The following FHIT variants were observed in gnomAD, a reference collection of about 807,000 sequenced individuals.
FHIT encodes the protein bis(5'-adenosyl)-triphosphatase.
Under a neutral mutation model 17.9 loss-of-function variants are expected in FHIT, and 19 were observed. The ratio of observed to expected loss-of-function variants is 1.06; its 90% CI spans 0.74 to 1.56. The LOEUF (loss-of-function observed/expected upper bound fraction) is 1.56, where lower values mean the gene tolerates loss of function less well. Ranked by LOEUF, FHIT falls within the 40% of genes most tolerant of loss-of-function variation. The probability of loss-of-function intolerance (pLI) is 0.00; values close to 1 mark genes in which losing one functional copy is unlikely to be tolerated. For missense variants in FHIT, 248 were observed against 189.2 expected (o/e 1.31, Z -1.82); for synonymous variants, 81 against 69.7 (o/e 1.16, Z -0.81).
chr3:60,162,852 A>G (rs1245468521), intron 5 of FHIT, among the ~76,000 whole-genome samples: 1 of 152,152 alleles, frequency 6.6e-6, no homozygotes. Context: ...CTGGATTATA[A>G]TTGGAATTTT....
At chr3:60,914,542 C>G (rs568357254) in intron 3 of FHIT, among the ~76,000 whole-genome samples, 1 of 151,150 alleles carries the variant, frequency 6.6e-6, no homozygotes, top group East Asian at 1.9e-4. Context: ...ATGAAATACA[C>G]ACAAAGGATA....
intron 5 of FHIT, among the ~76,000 whole-genome samples, chr3:60,173,316 C>T (rs1383164557): frequency 1.3e-5 from 2 of 152,134 alleles, no homozygotes; most frequent in Non-Finnish European, 2.9e-5. Context: ...CTTCTATTCA[C>T]CAGTGAATCT....
At chr3:60,851,151 C>T (rs1703138028) in intron 3 of FHIT, among the ~76,000 whole-genome samples, 1 of 152,110 alleles carries the variant, frequency 6.6e-6, no homozygotes, top group South Asian at 2.1e-4. Context: ...AAGCCACAAT[C>T]CCAGACCAAA....
At chr3:60,732,404 G>A (rs1379382437) in intron 4 of FHIT, 1 of 763,134 alleles carries the variant, frequency 1.3e-6, no homozygotes, top group African/African-American at 1.7e-5. Flanking sequence ...TCTACCTGTA[G>A]ATGGACTTGC....
At chr3:60,276,154 T>A (rs1323243148) in intron 5 of FHIT, among the ~76,000 whole-genome samples, 1 of 152,042 alleles carries the variant, frequency 6.6e-6, no homozygotes, top group Non-Finnish European at 1.5e-5. Flanking sequence ...GGCTGGCTAA[T>A]TTTTTGTGTA....
At chr3:61,176,596 C>T (rs2038162891) in intron 2 of FHIT, among the ~76,000 whole-genome samples, 1 of 152,162 alleles carries the variant, frequency 6.6e-6, no homozygotes, top group Admixed American at 6.5e-5. Flanking sequence ...TAAGAATTTG[C>T]AATATCCACC....
At chr3:60,566,908 T>G (rs1048943797) in intron 4 of FHIT, among the ~76,000 whole-genome samples, 53 of 146,536 alleles carry the variant, frequency 3.6e-4, no homozygotes, top group African/African-American at 1.2e-3. Context: ...ACAAGGGATG[T>G]GAAGGACCTC....
intron 5 of FHIT, among the ~76,000 whole-genome samples, chr3:60,487,065 A>T (rs1003843192): frequency 8.5e-5 from 13 of 152,218 alleles, no homozygotes; most frequent in African/African-American, 3.1e-4. Flanking sequence ...TCTGTGTGCC[A>T]GACTCTTGGC....
chr3:60,961,998 G>T (rs1406229482), intron 3 of FHIT, among the ~76,000 whole-genome samples: 1 of 152,182 alleles, frequency 6.6e-6, no homozygotes, highest in Non-Finnish European at 1.5e-5. Flanking sequence ...GGATGGCGTT[G>T]AATCTATAAA....
chr3:60,865,357 G>T (rs1393221360), intron 3 of FHIT, among the ~76,000 whole-genome samples: 5 of 152,090 alleles, frequency 3.3e-5, no homozygotes, highest in African/African-American at 1.2e-4. Context: ...GCCATATGAG[G>T]CCACTGGCCA....
chr3:61,127,191 T>C (rs995040144), intron 2 of FHIT, among the ~76,000 whole-genome samples: 2 of 152,270 alleles, frequency 1.3e-5, no homozygotes, highest in East Asian at 1.9e-4. Flanking sequence ...AGACCCCTTA[T>C]GAGCCTGCCA....
chr3:60,185,432 C>G (rs531678221), intron 5 of FHIT, among the ~76,000 whole-genome samples: 62 of 152,272 alleles, frequency 4.1e-4, no homozygotes, highest in African/African-American at 1.3e-3. Context: ...TACTATTCAT[C>G]CATGTTTCTA....
At chr3:60,985,142 A>G (rs1710665777) in intron 3 of FHIT, among the ~76,000 whole-genome samples, 1 of 152,058 alleles carries the variant, frequency 6.6e-6, no homozygotes. Flanking sequence ...AAGGACCTCC[A>G]AGCTTATTTC....
At chr3:61,228,923 T>C (rs1053512726) in intron 1 of FHIT, among the ~76,000 whole-genome samples, 4 of 152,186 alleles carry the variant, frequency 2.6e-5, no homozygotes, top group Admixed American at 1.3e-4. Context: ...GCAAAGGAGA[T>C]ACAGCACTGA....
intron 5 of FHIT, among the ~76,000 whole-genome samples, chr3:60,115,235 A>T (rs759004085): frequency 3.9e-5 from 6 of 152,168 alleles, no homozygotes; most frequent in Non-Finnish European, 7.4e-5. Flanking sequence ...AATGAAGTGA[A>T]AGAATAGGGA....
At position 60,821,647 on chromosome 3, in the gene FHIT, T is replaced by C. The variant is rs924631511; in HGVS notation, c.-18+272A>G. ...CAGGTAACAGGTAAGCTACATTTCA[T>C]GGAAAAGAAGGGGAATGCTTTCTTC... On this transcript the variant is annotated intron_variant, in intron 4 of 9. Coordinates refer to ENST00000492590, the MANE Select transcript of FHIT (RefSeq NM_002012.4). 2.6e-5 allele frequency among the ~76,000 whole-genome samples: 4 copies of C among 152,306 alleles called. No homozygotes were observed. In the East Asian group the frequency reaches 7.7e-4, roughly 29 times the overall value.
chr3:60,390,807 C>G (rs1168460764), intron 5 of FHIT, among the ~76,000 whole-genome samples: 2 of 151,876 alleles, frequency 1.3e-5, no homozygotes, highest in Non-Finnish European at 2.9e-5. Context: ...TTGTACATAG[C>G]TGTACAATGT....
At chr3:60,593,017 T>C (rs2038137108) in intron 4 of FHIT, among the ~76,000 whole-genome samples, 1 of 152,124 alleles carries the variant, frequency 6.6e-6, no homozygotes, top group Admixed American at 6.6e-5. Flanking sequence ...CTCAAATTGA[T>C]GGCACAGACA....
At chr3:60,517,221 A>G (rs2035192735) in intron 5 of FHIT, among the ~76,000 whole-genome samples, 2 of 152,206 alleles carry the variant, frequency 1.3e-5, no homozygotes, top group Admixed American at 1.3e-4. Context: ...TATCTATTTC[A>G]TTTTTAAAAA....
Sources: allele counts gnomAD v4.1 joint callset (sites outside exome capture counted in the v4.1 genomes callset), GRCh38; gene constraint gnomAD v4.1.1; transcripts MANE v1.5; gene names NCBI Gene and HGNC (gene_info 2026-07-23, HGNC 2026-07-21).